Variants in ABLIM1 observed in about 807,000 individuals in gnomAD.
ABLIM1 encodes the protein actin-binding LIM protein 1.
Under a neutral mutation model 107.0 loss-of-function variants are expected in ABLIM1, and 40 were observed. The ratio of observed to expected loss-of-function variants is 0.37; its 90% confidence interval spans 0.29 to 0.49. The LOEUF (loss-of-function observed/expected upper bound fraction) is 0.49, where lower values mean the gene tolerates loss of function less well. ABLIM1 is among the 20% of genes least tolerant of loss of function. ABLIM1 has a pLI of 0.97. For missense variants in ABLIM1, 857 were observed against 1,008.5 expected (o/e 0.85, Z 2.04); for synonymous variants, 357 against 357.3 (o/e 1.00, Z 0.01).
chr10:114,705,624 T>C (rs1199206649), intron 1 of ABLIM1, among the ~76,000 whole-genome samples: 3 of 152,116 alleles, frequency 2.0e-5, no homozygotes, highest in Non-Finnish European at 4.4e-5. Context: ...TCAACAAAAA[T>C]CTACTCAGAC....
upstream of ABLIM1, among the ~76,000 whole-genome samples, chr10:114,686,086 G>C (rs187784195): frequency 3.0e-4 from 46 of 152,304 alleles, no homozygotes; most frequent in Admixed American, 7.8e-4. Context: ...CAAAGTGGGG[G>C]AGCAGGCAAT....
chr10:114,781,658 A>G, the ABLIM1 span, among the ~76,000 whole-genome samples: 159 of 61,654 alleles, frequency 2.6e-3, 1 homozygote, highest in African/African-American at 9.0e-3. Flanking sequence ...GTATATATAT[A>G]TGCGTGTATA....
At chr10:114,652,804 A>G (rs1430681289) in intron 1 of ABLIM1, among the ~76,000 whole-genome samples, 2 of 152,236 alleles carry the variant, frequency 1.3e-5, no homozygotes, top group Non-Finnish European at 2.9e-5. Flanking sequence ...AAGGACAGAA[A>G]GAAACACAGG....
At chr10:114,450,163 T>G (rs1203963524) in intron 14 of ABLIM1, 5 of 337,302 alleles carry the variant, frequency 1.5e-5, no homozygotes, top group Non-Finnish European at 2.4e-5. Context: ...GTGAAGTCAG[T>G]AGTTAAACAT....
chr10:114,561,935 C>G (rs1048076562), intron 4 of ABLIM1, among the ~76,000 whole-genome samples: 3 of 152,182 alleles, frequency 2.0e-5, no homozygotes, highest in African/African-American at 7.2e-5. Flanking sequence ...ATGGATCACT[C>G]TGGGATCTTG....
intron 1 of ABLIM1, among the ~76,000 whole-genome samples, chr10:114,679,604 C>T (rs2080650201): frequency 7.2e-6 from 1 of 139,414 alleles, no homozygotes; most frequent in African/African-American, 2.8e-5. Context: ...CATTGCACTC[C>T]AGCCTGGGTA....
intron 1 of ABLIM1, among the ~76,000 whole-genome samples, chr10:114,645,465 CTT>C (rs1028512606): frequency 6.8e-6 from 1 of 147,648 alleles, no homozygotes. Context: ...CGCAGAGTCT[CTT>C]TTTTTTTTGG....
intron 1 of ABLIM1, among the ~76,000 whole-genome samples, chr10:114,657,226 G>A (rs925845098): frequency 2.0e-5 from 3 of 152,158 alleles, no homozygotes; most frequent in Non-Finnish European, 4.4e-5. Flanking sequence ...TCATACATTC[G>A]TAGGGACCAT....
intron 1 of ABLIM1, among the ~76,000 whole-genome samples, chr10:114,741,712 CA>C (rs879583448): frequency 1.3e-5 from 2 of 152,152 alleles, no homozygotes; most frequent in Non-Finnish European, 2.9e-5. Context: ...AAGGAGTTCA[CA>C]AAATAAGTAT....
intron 2 of ABLIM1, among the ~76,000 whole-genome samples, chr10:114,585,238 A>G (rs953492023): frequency 9.2e-5 from 14 of 152,192 alleles, no homozygotes; most frequent in African/African-American, 3.1e-4. Context: ...ATTAACGTCT[A>G]CATTCTCTAC....
At chr10:114,621,227 T>C (rs1235387863) in intron 1 of ABLIM1, among the ~76,000 whole-genome samples, 1 of 152,244 alleles carries the variant, frequency 6.6e-6, no homozygotes, top group East Asian at 1.9e-4. Context: ...CTTTCTGTCC[T>C]GCAGTCCCAT....
upstream of ABLIM1, among the ~76,000 whole-genome samples, chr10:114,662,305 T>C (rs1419249476): frequency 1.3e-5 from 2 of 152,096 alleles, no homozygotes; most frequent in Non-Finnish European, 2.9e-5. Context: ...ACACCTGCAG[T>C]TGCTCACAAG....
At position 114,629,018 on chromosome 10, in the gene ABLIM1, A is replaced by G. The variant is rs2077999394; in HGVS notation, c.245-27057T>C. Among the ~76,000 whole-genome samples, 1 of 152,156 alleles carries G rather than the reference A, an allele frequency of 6.6e-6. No homozygotes were observed. Among genetic ancestry groups the G allele is most frequent in the Non-Finnish European group, 1.5e-5 (1 of 68,014 alleles). ...GCAAGGGTAAGGTACCCTTGAAGAC[A>G]TAAGAGAAATAACCATTTCATCAAG... is the stretch of plus-strand genomic sequence containing the variant. On this transcript the variant is annotated intron_variant, in intron 1 of 22. Coordinates refer to ENST00000533213, the MANE Select transcript of ABLIM1 (RefSeq NM_002313.7). The surrounding 1 kb of genome is among the most constrained non-coding windows in gnomAD (Gnocchi z 4.0).
intron 8 of ABLIM1, among the ~76,000 whole-genome samples, chr10:114,482,343 C>T (rs780575920): frequency 3.3e-5 from 5 of 152,140 alleles, no homozygotes; most frequent in Non-Finnish European, 5.9e-5. Context: ...AAATGACTTT[C>T]CTGCTATAGA....
chr10:114,596,667 G>C (rs1249269379), intron 2 of ABLIM1, among the ~76,000 whole-genome samples: 8 of 152,146 alleles, frequency 5.3e-5, no homozygotes, highest in Non-Finnish European at 8.8e-5. Context: ...TGAAGTTATG[G>C]GGTCTGAAAC....
upstream of ABLIM1, chr10:114,768,187 G>T: frequency 5.4e-6 from 1 of 185,720 alleles, no homozygotes; most frequent in Non-Finnish European, 1.1e-5. Context: ...CTCCCGGTGC[G>T]GGGACGCCGC....
chr10:114,780,611 C>T, the ABLIM1 span, among the ~76,000 whole-genome samples: 236 of 152,176 alleles, frequency 1.6e-3, 2 homozygotes, highest in Middle Eastern at 3.4e-3. Flanking sequence ...AGATAAACAC[C>T]TTGGTTTTGG....
At chr10:114,690,186 G>T in intron 1 of ABLIM1, 1 of 1,396,100 alleles carries the variant, frequency 7.2e-7, no homozygotes. Context: ...TTTCTTGCTG[G>T]TCTTTCCATT....
At chr10:114,458,187 A>G (rs1411384873) in intron 12 of ABLIM1, among the ~76,000 whole-genome samples, 4 of 152,076 alleles carry the variant, frequency 2.6e-5, no homozygotes, top group Non-Finnish European at 5.9e-5. Flanking sequence ...TTAAGTCCTC[A>G]GATTGGGCTA....
Sources: gnomAD v4.1 joint callset for allele counts (sites outside exome capture counted in the v4.1 genomes callset) on GRCh38, gnomAD v4.1.1 for gene constraint, Gnocchi (gnomAD v3.1) non-coding constraint, MANE v1.5 for transcripts, NCBI Gene and HGNC (gene_info 2026-07-23, HGNC 2026-07-21) for gene names.